CNTNAP2: variants seen among roughly 807,000 people sequenced by gnomAD.
CNTNAP2 encodes the protein contactin associated protein 2, also known as contactin-associated protein-like 2.
In CNTNAP2, 98 loss-of-function variants were observed where a neutral mutation model predicts 155.2. The ratio of observed to expected loss-of-function variants is 0.63; its 90% confidence interval spans 0.54 to 0.75. The LOEUF (loss-of-function observed/expected upper bound fraction) is 0.75, where lower values mean the gene tolerates loss of function less well. CNTNAP2 is among the 30% of genes least tolerant of loss of function. CNTNAP2 has a pLI of 0.00. For synonymous variants in CNTNAP2, 651 were observed against 631.2 expected (o/e 1.03, Z -0.47); for missense variants, 1,727 against 1,688.1 (o/e 1.02, Z -0.40).
rs1474744958 is a variant in CNTNAP2 at position 146,754,897 on chromosome 7, G to T, written c.98-19374G>T. 6.6e-5 allele frequency among the ~76,000 whole-genome samples: 10 copies of T among 151,844 alleles called. No individual in the cohort carries two copies. In the East Asian group the frequency reaches 1.9e-3, roughly 29 times the overall value. Reference sequence around the variant, plus strand: ...TTTAGTCTAATCATCTCAAAGTAAAGGATTATTCTTAATAAAAGAAAATAC... The same window carrying T: ...TTTAGTCTAATCATCTCAAAGTAAATGATTATTCTTAATAAAAGAAAATAC... On this transcript the variant is annotated intron_variant, in intron 1 of 23. Coordinates refer to ENST00000361727, the MANE Select transcript of CNTNAP2 (RefSeq NM_014141.6).
At chr7:147,522,790 A>C (rs138664589) in intron 11 of CNTNAP2, among the ~76,000 whole-genome samples, 2,521 of 151,426 alleles carry the variant, frequency 0.017, 76 homozygotes, top group African/African-American at 0.058. Context: ...AAAAAAACAA[A>C]AAAAAAAAAA....
At chr7:146,226,809 G>A (rs540093785) in intron 1 of CNTNAP2, among the ~76,000 whole-genome samples, 1 of 152,120 alleles carries the variant, frequency 6.6e-6, no homozygotes, top group South Asian at 2.1e-4. Context: ...AAAGAGAAAT[G>A]GTGAGGGGAA....
At chr7:147,627,782 AC>A (rs1441026810) in intron 12 of CNTNAP2, among the ~76,000 whole-genome samples, 1 of 151,708 alleles carries the variant, frequency 6.6e-6, no homozygotes, top group East Asian at 1.9e-4. Flanking sequence ...TAAAGAAAAA[AC>A]AATCACAACT....
chr7:147,370,417 T>A (rs925830963), intron 9 of CNTNAP2, among the ~76,000 whole-genome samples: 3 of 152,202 alleles, frequency 2.0e-5, no homozygotes, highest in Non-Finnish European at 4.4e-5. Context: ...CTTGCAGTGG[T>A]GTGCTGGAGC....
At chr7:146,666,657 T>C (rs1393090086) in intron 1 of CNTNAP2, among the ~76,000 whole-genome samples, 2 of 152,164 alleles carry the variant, frequency 1.3e-5, no homozygotes, top group African/African-American at 2.4e-5. Flanking sequence ...CTTTCAAGCA[T>C]TGGTTACGTT....
At chr7:147,554,497 T>C (rs1799913059) in intron 11 of CNTNAP2, among the ~76,000 whole-genome samples, 1 of 152,080 alleles carries the variant, frequency 6.6e-6, no homozygotes. Flanking sequence ...ATAATAAATG[T>C]AGATATACTC....
intron 15 of CNTNAP2, among the ~76,000 whole-genome samples, chr7:148,104,467 C>T (rs1276404895): frequency 6.6e-6 from 1 of 152,194 alleles, no homozygotes; most frequent in African/African-American, 2.4e-5. Context: ...TCTATCAACA[C>T]ATAAAGGCTG....
At chr7:147,125,618 G>A (rs530237789) in intron 6 of CNTNAP2, among the ~76,000 whole-genome samples, 17 of 152,304 alleles carry the variant, frequency 1.1e-4, no homozygotes, top group African/African-American at 3.4e-4. Flanking sequence ...GGGAAGTAGA[G>A]GAATGACTCT....
intron 19 of CNTNAP2, among the ~76,000 whole-genome samples, chr7:148,226,139 G>T (rs1266097552): frequency 6.6e-6 from 1 of 152,018 alleles, no homozygotes; most frequent in Non-Finnish European, 1.5e-5. Context: ...CACACTTCTT[G>T]ACTGGAATAT....
intron 1 of CNTNAP2, among the ~76,000 whole-genome samples, chr7:146,529,627 A>G (rs1214049690): frequency 6.6e-6 from 1 of 152,106 alleles, no homozygotes; most frequent in Non-Finnish European, 1.5e-5. Flanking sequence ...AAGCAGTGCT[A>G]AGCTCACATG....
In CNTNAP2 at chr7:146,369,555, T is replaced by C. The variant is rs575914004; in HGVS notation, c.97+252582T>C. Among the ~76,000 whole-genome samples the C allele has an allele frequency of 1.2e-4, 18 of 152,306 alleles. No individual in the cohort carries two copies. In the East Asian group the frequency reaches 3.1e-3, roughly 26 times the overall value. On this transcript the variant is annotated intron_variant, in intron 1 of 23. Transcript: ENST00000361727. ...TTAAAATGTATAACAGTTCTTGTTA[T>C]ATAAAATGTATAACAGAAAGGACTT...
intron 1 of CNTNAP2, among the ~76,000 whole-genome samples, chr7:146,529,626 T>G (rs927475101): frequency 6.6e-6 from 1 of 152,202 alleles, no homozygotes; most frequent in East Asian, 1.9e-4. Context: ...AAAGCAGTGC[T>G]AAGCTCACAT....
chr7:146,973,800 G>A (rs542132102), intron 3 of CNTNAP2, among the ~76,000 whole-genome samples: 3 of 152,254 alleles, frequency 2.0e-5, no homozygotes, highest in African/African-American at 2.4e-5. Context: ...CATTCATGAA[G>A]TTTCTGTGTG....
chr7:147,311,591 G>T (rs1213394854), intron 9 of CNTNAP2, among the ~76,000 whole-genome samples: 2 of 152,090 alleles, frequency 1.3e-5, no homozygotes, highest in South Asian at 4.1e-4. Context: ...AATGTCACCA[G>T]GGCCCTTCCT....
chr7:146,646,082 T>G (rs768636486), intron 1 of CNTNAP2, among the ~76,000 whole-genome samples: 3 of 152,210 alleles, frequency 2.0e-5, no homozygotes, highest in Admixed American at 6.5e-5. Flanking sequence ...TGATTTATAG[T>G]CTTGTATTCA....
chr7:146,315,191 C>T (rs567630191), intron 1 of CNTNAP2, among the ~76,000 whole-genome samples: 1 of 152,140 alleles, frequency 6.6e-6, no homozygotes, highest in Non-Finnish European at 1.5e-5. Context: ...GGAAGCTGGA[C>T]AGATCTAGGG....
intron 9 of CNTNAP2, among the ~76,000 whole-genome samples, chr7:147,361,139 C>G (rs549311357): frequency 1.1e-3 from 163 of 152,264 alleles, no homozygotes; most frequent in African/African-American, 3.8e-3. Context: ...ACTAAATAAT[C>G]TGGAAGTCCA....
At chr7:147,657,922 C>A (rs1340727701) in intron 13 of CNTNAP2, among the ~76,000 whole-genome samples, 1 of 152,122 alleles carries the variant, frequency 6.6e-6, no homozygotes, top group Admixed American at 6.5e-5. Flanking sequence ...ATTCTAGTAG[C>A]TGAAATTATA....
At chr7:147,121,406 ATG>A (rs1801108631) in intron 6 of CNTNAP2, 1 of 441,852 alleles carries the variant, frequency 2.3e-6, no homozygotes, top group Non-Finnish European at 4.1e-6. Flanking sequence ...GAGAGGAACC[ATG>A]CTATCCAGGC....
Sources: gnomAD v4.1 joint callset for allele counts (sites outside exome capture counted in the v4.1 genomes callset) on GRCh38, gnomAD v4.1.1 for gene constraint, MANE v1.5 for transcripts, NCBI Gene and HGNC (gene_info 2026-07-23, HGNC 2026-07-21) for gene names.